The following LRRIQ1 variants were observed in gnomAD, a reference collection of about 807,000 sequenced individuals.
LRRIQ1 encodes leucine-rich repeat- and IQ domain-containing protein 1.
A neutral mutation model predicts 211.9 loss-of-function variants in LRRIQ1; 210 were observed. That is an observed-to-expected ratio of 0.99 (90% confidence interval 0.89 to 1.11). LRRIQ1 has a LOEUF of 1.11. Among genes scored for constraint, LRRIQ1 ranks in the 50% most tolerant of loss-of-function variants. LRRIQ1 has a pLI of 0.00. For missense variants in LRRIQ1, 2,136 were observed against 1,939.5 expected, an observed-to-expected ratio of 1.10 and a Z score of -1.90; for synonymous variants, 699 against 650.1, an observed-to-expected ratio of 1.08 and a Z score of -1.14.
chr12:85,053,226 TGAGAG>T (rs1880543522), intron 7 of LRRIQ1, among the ~76,000 whole-genome samples: 2 of 152,038 alleles, frequency 1.3e-5, no homozygotes, highest in Admixed American at 1.3e-4. Context: ...TATCATATCT[TGAGAG>T]GAGACAGAGA....
chr12:85,095,071 A>G (rs184015261), intron 11 of LRRIQ1, among the ~76,000 whole-genome samples: 99 of 151,968 alleles, frequency 6.5e-4, no homozygotes, highest in Non-Finnish European at 1.3e-3. Context: ...AAAGTGAGGT[A>G]TTTTACTTCT....
intron 26 of LRRIQ1, among the ~76,000 whole-genome samples, chr12:85,241,232 T>C (rs1895444043): frequency 6.6e-6 from 1 of 152,062 alleles, no homozygotes; most frequent in Non-Finnish European, 1.5e-5. Context: ...TTTAAACTTC[T>C]ATGGGAGTTG....
At chr12:85,124,011 A>G in intron 16 of LRRIQ1, 59 bp from the exon 17 acceptor site, 1 of 1,329,018 alleles carries the variant, frequency 7.5e-7, no homozygotes, top group Non-Finnish European at 1.0e-6. Flanking sequence ...AAACTTGCAC[A>G]AGTTTTAATA....
intron 7 of LRRIQ1, 61 bp downstream of exon 7, chr12:85,052,312 TG>T: frequency 1.2e-6 from 1 of 848,742 alleles, no homozygotes; most frequent in South Asian, 1.8e-5. Flanking sequence ...TACATTACTA[TG>T]CTTGAAATGG....
chr12:85,195,143 T>C (rs1035389211), intron 24 of LRRIQ1, among the ~76,000 whole-genome samples: 2 of 152,106 alleles, frequency 1.3e-5, no homozygotes, highest in Non-Finnish European at 2.9e-5. Context: ...AATCTCTGAA[T>C]AGACCAATAA....
chr12:85,086,411 T>C (rs1445841453), intron 11 of LRRIQ1, among the ~76,000 whole-genome samples: 1 of 151,974 alleles, frequency 6.6e-6, no homozygotes, highest in African/African-American at 2.4e-5. Flanking sequence ...GTGTAGCACC[T>C]CACCCCCACT....
intron 15 of LRRIQ1, among the ~76,000 whole-genome samples, chr12:85,109,701 G>C (rs961587137): frequency 2.0e-5 from 3 of 152,040 alleles, no homozygotes; most frequent in Non-Finnish European, 4.4e-5. Context: ...ACCTAGGAAT[G>C]GTGTTCAGTA....
chr12:85,197,829 A>G (rs1893013746), intron 24 of LRRIQ1, among the ~76,000 whole-genome samples: 1 of 140,866 alleles, frequency 7.1e-6, no homozygotes, highest in African/African-American at 2.6e-5. Context: ...TATAATAAAA[A>G]AATAAAAAAT....
Position 85,214,397 on chromosome 12 carries a change from A to G in LRRIQ1, c.4823-15120A>G, listed in dbSNP as rs1486775047. Among the ~76,000 whole-genome samples the G allele has an allele frequency of 2.6e-5, 4 of 152,282 alleles. No individual in the cohort carries two copies. The East Asian group carries it at 7.7e-4, about 29-fold the overall frequency. On this transcript the variant is annotated intron_variant, in intron 24 of 26. Transcript: ENST00000393217. Reference sequence around the variant, plus strand: ...ATTCAAAATCCACAAATAGCCAATTACACTCAACAAAGATAAAGTGGAAGA... The same window carrying G: ...ATTCAAAATCCACAAATAGCCAATTGCACTCAACAAAGATAAAGTGGAAGA...
In LRRIQ1 at chr12:85,055,593, G is replaced by T. The variant is rs374116723; in HGVS notation, c.800G>T (p.Arg267Ile). The change falls in exon 8 of 27, where the codon AGA becomes ATA. Residue 267 changes from arginine to isoleucine, a missense_variant. Transcript: ENST00000393217. ...TTACAAATGGAAGAAGAAAGAACAAGATTTAAAGACCAACAAGAAAAAGAA... is the reference window on the plus strand; with the variant it reads ...TTACAAATGGAAGAAGAAAGAACAATATTTAAAGACCAACAAGAAAAAGAA... ...LHLQMEEERT[R>I]FKDQQEKEKN... 2 of 1,562,088 alleles carry T rather than the reference G, an allele frequency of 1.3e-6. No homozygotes were observed. The highest frequency in any genetic ancestry group is 2.8e-5 in the African/African-American group (2 of 71,782).
intron 26 of LRRIQ1, among the ~76,000 whole-genome samples, chr12:85,239,131 G>A (rs183778103): frequency 6.6e-6 from 1 of 152,062 alleles, no homozygotes; most frequent in African/African-American, 2.4e-5. Context: ...TTATAAATAA[G>A]TTGAAAAACT....
rs755946787 is a variant in LRRIQ1, at chr12:85,229,582, T to C, written c.4888T>C (p.Tyr1630His). ...TGAAAAATTAGAACGGAATAGAGAA[T>C]ATACATACCAATGGCTTCACACACA... ...ANEKLERNRE[Y>H]TYQWLHTQVG... Residue 1630 changes from tyrosine to histidine, a missense_variant, in exon 25 of 27, where the codon TAT becomes CAT. Physicochemically the swap from Tyr to His is moderately conservative, Grantham distance 83 (BLOSUM62 2). Coordinates refer to ENST00000393217, the MANE Select transcript of LRRIQ1 (RefSeq NM_001079910.2). The C allele has an allele frequency of 6.2e-7, 1 of 1,613,064 alleles. No homozygotes were observed. The highest frequency in any genetic ancestry group is 8.5e-7 in the Non-Finnish European group (1 of 1,179,368).
rs1881171160 is a variant in LRRIQ1, at chr12:85,056,930, G to C, written c.2137G>C (p.Glu713Gln). 8.1e-6 allele frequency: 13 copies of C among 1,612,610 alleles called. No homozygotes were observed. Among genetic ancestry groups the C allele is most frequent in the Non-Finnish European group, 1.1e-5 (13 of 1,179,352 alleles). The change falls in exon 8 of 27, where the codon GAA becomes CAA. Residue 713 changes from glutamate to glutamine, a missense_variant. Coordinates refer to ENST00000393217, the MANE Select transcript of LRRIQ1 (RefSeq NM_001079910.2). ...SLKSEIRNIS[E>Q]KCHENAPEPD... ...TAAATCTGAGATTAGAAATATTTCA[G>C]AAAAATGCCATGAAAATGCACCTGA...
chr12:85,182,313 A>C (rs1490012683), intron 24 of LRRIQ1, among the ~76,000 whole-genome samples: 1 of 152,112 alleles, frequency 6.6e-6, no homozygotes, highest in Non-Finnish European at 1.5e-5. Context: ...AGTTAAGAAA[A>C]AAAAATGTTG....
At position 85,127,814 on chromosome 12, in the gene LRRIQ1, T is replaced by C. The variant is rs1220644281; in HGVS notation, c.4008-18T>C. ...AGATAATAAAAAAAGTGTGTGTTTT[T>C]TTTTCTCCTCTTAATAGTATGGCAG... On this transcript the variant is annotated intron_variant, in intron 17 of 26. Coordinates refer to ENST00000393217, the MANE Select transcript of LRRIQ1 (RefSeq NM_001079910.2). 1 of 1,602,084 alleles carries C rather than the reference T, an allele frequency of 6.2e-7. No homozygotes were observed. The highest frequency in any genetic ancestry group is 1.7e-5 in the Admixed American group (1 of 57,686).
chr12:85,174,723 A>AAAAAAAAAAAAAAAC (rs1891602304), intron 24 of LRRIQ1, among the ~76,000 whole-genome samples: 4 of 148,374 alleles, frequency 2.7e-5, no homozygotes, highest in African/African-American at 5.0e-5. Flanking sequence ...AAAAAAAAAA[A>AAAAAAAAAAAAAAAC]TCTGAGATCC....
chr12:85,115,318 A>G (rs1163848015), intron 15 of LRRIQ1, among the ~76,000 whole-genome samples: 1 of 152,218 alleles, frequency 6.6e-6, no homozygotes, highest in Non-Finnish European at 1.5e-5. Flanking sequence ...CAATCCATGC[A>G]CTGCTCTGTT....
At chr12:85,184,479 A>G (rs1373176312) in intron 24 of LRRIQ1, among the ~76,000 whole-genome samples, 2 of 152,058 alleles carry the variant, frequency 1.3e-5, no homozygotes, top group African/African-American at 2.4e-5. Context: ...ATTTGTCTGT[A>G]TGAGTGTAAT....
chr12:85,208,685 A>G (rs890931012), intron 24 of LRRIQ1, among the ~76,000 whole-genome samples: 16 of 152,184 alleles, frequency 1.1e-4, no homozygotes, highest in Admixed American at 7.9e-4. Flanking sequence ...ACTATTATTG[A>G]TATTACAAAC....
Sources: allele counts gnomAD v4.1 joint callset (sites outside exome capture counted in the v4.1 genomes callset), GRCh38; gene constraint gnomAD v4.1.1; transcripts MANE v1.5; gene names NCBI Gene and HGNC (gene_info 2026-07-23, HGNC 2026-07-21).